Variants in BICDL1 observed in about 807,000 individuals in gnomAD.
The protein encoded by BICDL1 is BICD family like cargo adaptor 1.
BICDL1 carries 20 observed loss-of-function variants against 76.8 expected under a neutral mutation model. The observed-to-expected ratio is 0.26, with a 90% CI of 0.18 to 0.38. The LOEUF (loss-of-function observed/expected upper bound fraction) is 0.38. Ranked by LOEUF, BICDL1 falls within the 10% of genes least tolerant of loss-of-function variation. The pLI is 1.00. For missense variants in BICDL1, 700 were observed against 798.6 expected, an observed-to-expected ratio of 0.88 and a Z score of 1.49; for synonymous variants, 383 against 337.1, an observed-to-expected ratio of 1.14 and a Z score of -1.49.
At chr12:120,053,371 C>T (rs1457705598) in intron 2 of BICDL1, among the ~76,000 whole-genome samples, 2 of 152,216 alleles carry the variant, frequency 1.3e-5, no homozygotes, top group South Asian at 2.1e-4. Flanking sequence ...GCGTGAGCTA[C>T]TGCGCCTTCT....
intron 9 of BICDL1, chr12:120,091,608 A>C (rs565527013): frequency 1.0e-6 from 1 of 984,648 alleles, no homozygotes; most frequent in East Asian, 1.1e-4. Flanking sequence ...AGACAAGGGC[A>C]AGGAGAAGAC....
Position 120,092,771 on chromosome 12 carries a change from G to A in BICDL1, c.1705-229G>A, listed in dbSNP as rs1044903350. On this transcript the variant is annotated intron_variant, in intron 9 of 9. Transcript: ENST00000548673. ...GGCCCAGCAGGAGTAACACTGTTGA[G>A]GAGAACCCAGCCCAAGCCTGAGGAG... The A allele has an allele frequency of 3.1e-6, 3 of 982,842 alleles. No individual in the cohort carries two copies. In the African/African-American group the frequency reaches 5.2e-5, roughly 17 times the overall value. The allele number at this position is 982,842 out of a possible 1,614,324, so 60.9% of individuals were successfully genotyped here.
intron 2 of BICDL1, 97 bp downstream of exon 2, chr12:119,998,833 C>T (rs1303907774): frequency 4.4e-5 from 54 of 1,213,614 alleles, no homozygotes; most frequent in Non-Finnish European, 6.0e-5. Flanking sequence ...TTTCGGGAGG[C>T]CAAGGTGGGA....
rs746776288 is a variant in BICDL1, at chr12:120,072,669, C to G, written c.1248C>G (p.Arg416=). 1 of 1,614,098 alleles carries G rather than the reference C, an allele frequency of 6.2e-7. No individual in the cohort carries two copies. Among genetic ancestry groups the G allele is most frequent in the South Asian group, 1.1e-5 (1 of 91,072 alleles). ...AGGATGTGCCAGCCGGCAGCTTGCGCACTGCCCTCAATGAGCTCAAGAGAC... is the reference window on the plus strand; with the variant it reads ...AGGATGTGCCAGCCGGCAGCTTGCGGACTGCCCTCAATGAGCTCAAGAGAC... ...SAKDVPAGSL[R]TALNELKRLI... is the part of the protein sequence containing the mutation. The change falls in exon 6 of 10, where the codon CGC becomes CGG. Residue 416 remains arginine (R), a synonymous_variant. Transcript: ENST00000548673.
At chr12:120,006,696 A>G (rs1258999196) in intron 2 of BICDL1, among the ~76,000 whole-genome samples, 1 of 152,196 alleles carries the variant, frequency 6.6e-6, no homozygotes, top group Non-Finnish European at 1.5e-5. Flanking sequence ...AGAACAGTGG[A>G]AAGAAGGCTG....
intron 2 of BICDL1, among the ~76,000 whole-genome samples, chr12:120,059,740 A>G (rs1469041645): frequency 2.0e-5 from 3 of 148,852 alleles, no homozygotes; most frequent in Non-Finnish European, 4.5e-5. Context: ...AGGCTTTCAC[A>G]CTCTGTTGCC....
At chr12:120,087,224 G>A (rs1022507350) in intron 8 of BICDL1, among the ~76,000 whole-genome samples, 2 of 152,236 alleles carry the variant, frequency 1.3e-5, no homozygotes, top group African/African-American at 4.8e-5. Context: ...GGCAGCCTTC[G>A]GCATCTGAGC....
intron 6 of BICDL1, 103 bp downstream of exon 6, chr12:120,072,832 T>C (rs1184197099): frequency 5.4e-6 from 5 of 933,068 alleles, no homozygotes; most frequent in Non-Finnish European, 8.1e-6. Flanking sequence ...TGGAACCCTA[T>C]AAAATATCTG....
chr12:119,990,011 G>A lies in BICDL1; in HGVS notation c.143G>A (p.Gly48Asp), dbSNP rs749971277. ...AAAAALIFPG[G>D]SGELELALEE... ...GCCGCCGCCCTCATCTTCCCCGGGGGCTCCGGGGAGCTAGAACTGGCGTTA... is the reference window on the plus strand; with the variant it reads ...GCCGCCGCCCTCATCTTCCCCGGGGACTCCGGGGAGCTAGAACTGGCGTTA... Residue 48 changes from glycine (G) to aspartate (D), a missense_variant, in exon 1 of 10, where the codon GGC (glycine) becomes GAC (aspartate). Physicochemically the swap from Gly to Asp is moderately conservative, Grantham distance 94. Around this residue, in one of 3 missense-constraint regions of BICDL1, gnomAD observed 225 missense variants for 199.6 expected, o/e 1.13. Coordinates refer to ENST00000548673, the MANE Select transcript of BICDL1 (RefSeq NM_001367886.1). The A allele has an allele frequency of 1.3e-6, 2 of 1,490,952 alleles. No individual in the cohort carries two copies. The highest frequency in any genetic ancestry group is 2.6e-5 in the South Asian group (2 of 76,108). The allele number at this position is 1,490,952 out of a possible 1,614,324, so 92.4% of individuals were successfully genotyped here.
At chr12:120,040,375 A>C (rs1952614685) in intron 2 of BICDL1, among the ~76,000 whole-genome samples, 1 of 151,916 alleles carries the variant, frequency 6.6e-6, no homozygotes, top group Admixed American at 6.6e-5. Flanking sequence ...AACAAGCGTG[A>C]GCCACCGAGC....
chr12:119,998,305 C>T (rs1951693309), intron 1 of BICDL1, among the ~76,000 whole-genome samples: 1 of 152,136 alleles, frequency 6.6e-6, no homozygotes, highest in African/African-American at 2.4e-5. Context: ...TAAGTATTTT[C>T]AGTAAGAATG....
intron 5 of BICDL1, among the ~76,000 whole-genome samples, chr12:120,072,085 A>G (rs1053786619): frequency 6.6e-6 from 1 of 152,240 alleles, no homozygotes; most frequent in Non-Finnish European, 1.5e-5. Flanking sequence ...AGTTCCTCTT[A>G]GGAAATGCTT....
chr12:120,030,950 C>T (rs191254094), intron 2 of BICDL1, among the ~76,000 whole-genome samples: 8 of 152,230 alleles, frequency 5.3e-5, no homozygotes, highest in Admixed American at 3.9e-4. Context: ...TCAAATTTCT[C>T]TTATAGAACA....
At chr12:120,009,884 G>A (rs1259979735) in intron 2 of BICDL1, among the ~76,000 whole-genome samples, 1 of 152,184 alleles carries the variant, frequency 6.6e-6, no homozygotes, top group Non-Finnish European at 1.5e-5. Flanking sequence ...CTCTACATTG[G>A]CATCTGGGCC....
chr12:120,005,969 A>C (rs1039149815), intron 2 of BICDL1, among the ~76,000 whole-genome samples: 3 of 152,230 alleles, frequency 2.0e-5, no homozygotes, highest in African/African-American at 7.2e-5. Context: ...GTACATTTAA[A>C]TTTTTAATAG....
chr12:120,089,055 G>A (rs1250283532), intron 8 of BICDL1, among the ~76,000 whole-genome samples: 1 of 148,758 alleles, frequency 6.7e-6, no homozygotes, highest in Non-Finnish European at 1.5e-5. Context: ...GATCACCACT[G>A]TGTGGCTATC....
At chr12:120,035,975 C>T (rs893965101) in intron 2 of BICDL1, among the ~76,000 whole-genome samples, 5 of 152,130 alleles carry the variant, frequency 3.3e-5, no homozygotes, top group Non-Finnish European at 5.9e-5. Context: ...GAATTATTTT[C>T]TGTCTTCTTT....
chr12:120,035,753 C>G (rs1018978303), intron 2 of BICDL1, among the ~76,000 whole-genome samples: 31 of 152,184 alleles, frequency 2.0e-4, no homozygotes, highest in Admixed American at 1.9e-3. Context: ...AACCACCACA[C>G]AGGTTAAGAA....
chr12:120,087,449 G>C (rs1874521135), intron 8 of BICDL1, among the ~76,000 whole-genome samples: 1 of 152,242 alleles, frequency 6.6e-6, no homozygotes, highest in Admixed American at 6.5e-5. Flanking sequence ...CACTTTGCAA[G>C]TGGGATCCAC....
Sources: allele counts gnomAD v4.1 joint callset (sites outside exome capture counted in the v4.1 genomes callset), GRCh38; gene constraint gnomAD v4.1.1; regional missense constraint gnomAD v4.1.1; transcripts MANE v1.5; gene names NCBI Gene and HGNC (gene_info 2026-07-23, HGNC 2026-07-21).